Variants in FAM234B observed in about 807,000 individuals in gnomAD.
The protein encoded by FAM234B is protein FAM234B.
In FAM234B, 33 loss-of-function variants were observed where a neutral mutation model predicts 69.3. The ratio of observed to expected loss-of-function variants is 0.48; its 90% CI spans 0.36 to 0.64. The LOEUF (loss-of-function observed/expected upper bound fraction) is 0.64. Ranked by LOEUF, FAM234B falls within the 30% of genes least tolerant of loss-of-function variation. The pLI, the probability that FAM234B is intolerant of heterozygous loss-of-function variation, is 0.00. For synonymous variants in FAM234B, 306 were observed against 306.9 expected, an observed-to-expected ratio of 1.00 and a Z score of 0.03; for missense variants, 697 against 769.7, an observed-to-expected ratio of 0.91 and a Z score of 1.12.
At chr12:13,070,839 G>C (rs1865098018) in intron 9 of FAM234B, among the ~76,000 whole-genome samples, 1 of 152,126 alleles carries the variant, frequency 6.6e-6, no homozygotes, top group African/African-American at 2.4e-5. Context: ...TGTTGTGGGG[G>C]ATAAGGTGCT....
At position 13,068,688 on chromosome 12, in the gene FAM234B, C is replaced by G. The variant is rs1401738304; in HGVS notation, c.1345C>G (p.Gln449Glu). The G allele has an allele frequency of 3.1e-6, 5 of 1,611,110 alleles. No individual in the cohort carries two copies. In the Admixed American group the frequency reaches 5.0e-5, roughly 16 times the overall value. Residue 449 changes from glutamine (Q) to glutamate (E), a missense_variant, in exon 9 of 13, where the codon CAG becomes GAG. This residue lies in a region of FAM234B where 313 missense variants were observed against 305.5 expected (regional missense o/e 1.02). Coordinates refer to ENST00000197268, the MANE Select transcript of FAM234B (RefSeq NM_020853.2). ...DQTLDFLLQI[Q>E]DGVGMKKMMV... is the part of the protein sequence containing the mutation. ...GACATTAGATTTCCTTCTGCAGATA[C>G]AGGATGGAGTTGGGATGAAAAAGGT...
chr12:13,058,246 T>C (rs1864951410), intron 2 of FAM234B, among the ~76,000 whole-genome samples: 1 of 152,222 alleles, frequency 6.6e-6, no homozygotes, highest in Non-Finnish European at 1.5e-5. Context: ...TCCTTCTCTC[T>C]GCCTTTTAGA....
At chr12:13,078,193 C>T (rs139504917) in intron 11 of FAM234B, among the ~76,000 whole-genome samples, 14,343 of 151,174 alleles carry the variant, frequency 0.095, 958 homozygotes, top group Admixed American at 0.18. Flanking sequence ...GAGTAGGTTG[C>T]GAAAATTTTC....
intron 1 of FAM234B, among the ~76,000 whole-genome samples, chr12:13,048,980 C>G (rs1376686822): frequency 6.6e-6 from 1 of 152,138 alleles, no homozygotes; most frequent in Non-Finnish European, 1.5e-5. Flanking sequence ...GAAACTGCCC[C>G]CATGATTCAG....
In FAM234B at chr12:13,079,935, T is replaced by G. The variant is rs147848748; in HGVS notation, c.1789T>G (p.Ser597Ala). 4 of 1,613,358 alleles carry G rather than the reference T, an allele frequency of 2.5e-6. No homozygotes were observed. In the African/African-American group the frequency reaches 4.0e-5, roughly 16 times the overall value. ...MEGQMAQLQE[S>A]TPKIGRGELR... The stretch of plus-strand genomic sequence containing the variant: ...GGGCCAGATGGCTCAGCTACAGGAG[T>G]CCACCCCCAAAATTGGCCGTGGGGA... Residue 597 changes from serine to alanine, a missense_variant, in exon 12 of 13, where the codon TCC becomes GCC. By Grantham distance (99) the Ser-to-Ala change is moderately conservative. Coordinates refer to ENST00000197268, the MANE Select transcript of FAM234B (RefSeq NM_020853.2).
At position 13,067,002 on chromosome 12, in the gene FAM234B, A is replaced by T; in HGVS notation, c.1001-153A>T. On this transcript the variant is annotated intron_variant, in intron 6 of 12. Coordinates refer to ENST00000197268, the MANE Select transcript of FAM234B (RefSeq NM_020853.2). This position sits in a 1 kb window ranked among gnomAD's most constrained non-coding sequence, Gnocchi z 4.7. ...AAGGGAAGACTCTTGTCCAGCACCC[A>T]CTTAATCACCTCCCCACTTGTTCCG... The T allele has an allele frequency of 1.0e-6, 1 of 978,674 alleles. No individual in the cohort carries two copies. Among genetic ancestry groups the T allele is most frequent in the Non-Finnish European group, 1.5e-6 (1 of 659,328 alleles). 60.6% of individuals were successfully genotyped at this position (978,674 alleles called of 1,614,324 possible).
intron 10 of FAM234B, among the ~76,000 whole-genome samples, chr12:13,072,307 C>G (rs1319299325): frequency 6.6e-6 from 1 of 152,188 alleles, no homozygotes; most frequent in East Asian, 1.9e-4. Flanking sequence ...TACCTAAAAT[C>G]TAGATTGTAT....
intron 5 of FAM234B, among the ~76,000 whole-genome samples, chr12:13,065,033 G>A (rs577701537): frequency 3.4e-4 from 52 of 152,206 alleles, no homozygotes; most frequent in Non-Finnish European, 6.5e-4. Context: ...AGACATGTTG[G>A]CACCCCTACT....
In FAM234B at chr12:13,066,772, A is replaced by C. The variant is rs1405586970; in HGVS notation, c.985A>C (p.Ile329Leu). The C allele has an allele frequency of 3.1e-6, 5 of 1,613,070 alleles. No homozygotes were observed. Among genetic ancestry groups the C allele is most frequent in the Admixed American group, 3.3e-5 (2 of 59,810 alleles). ...VYITTNGAVYILFGFGNIQAV... is the reference protein window; with the variant it reads ...VYITTNGAVYLLFGFGNIQAV... ...CATCACCACAAATGGGGCTGTCTAC[A>C]TCCTGTTTGGCTTTGGTAAGAAGCA... Residue 329 changes from isoleucine to leucine, a missense_variant, in exon 6 of 13, where the codon ATC becomes CTC. Coordinates refer to ENST00000197268, the MANE Select transcript of FAM234B (RefSeq NM_020853.2).
intron 11 of FAM234B, among the ~76,000 whole-genome samples, chr12:13,077,102 G>A (rs1176262958): frequency 6.6e-6 from 1 of 152,138 alleles, no homozygotes; most frequent in African/African-American, 2.4e-5. Flanking sequence ...CACTGATTGG[G>A]GGGTGGGGGC....
At chr12:13,076,365 G>A (rs562185765) in intron 11 of FAM234B, among the ~76,000 whole-genome samples, 1 of 152,294 alleles carries the variant, frequency 6.6e-6, no homozygotes, top group East Asian at 1.9e-4. Flanking sequence ...GAATGTGGAG[G>A]TGAAAGCGCG....
chr12:13,073,845 A>G (rs1257944134), intron 10 of FAM234B, among the ~76,000 whole-genome samples: 1 of 152,178 alleles, frequency 6.6e-6, no homozygotes, highest in African/African-American at 2.4e-5. Context: ...TTTTCCTCAC[A>G]AATTGTTGAG....
chr12:13,077,483 C>T (rs1272707613), intron 11 of FAM234B, among the ~76,000 whole-genome samples: 2 of 140,526 alleles, frequency 1.4e-5, no homozygotes, highest in Non-Finnish European at 3.0e-5. Flanking sequence ...CATGTGTTCT[C>T]ATTGTTCTAT....
chr12:13,049,268 C>T (rs1864847796), intron 1 of FAM234B, among the ~76,000 whole-genome samples: 1 of 152,234 alleles, frequency 6.6e-6, no homozygotes, highest in Non-Finnish European at 1.5e-5. Flanking sequence ...TAACCTCCGC[C>T]TCCCAGGTTC....
chr12:13,054,556 A>G (rs1356683287), intron 1 of FAM234B, among the ~76,000 whole-genome samples: 3 of 152,120 alleles, frequency 2.0e-5, no homozygotes, highest in African/African-American at 7.2e-5. Flanking sequence ...TCCCCTTTTT[A>G]ATTAGCTGGG....
chr12:13,070,472 A>G (rs1223491957), intron 9 of FAM234B, among the ~76,000 whole-genome samples: 1 of 152,140 alleles, frequency 6.6e-6, no homozygotes, highest in Non-Finnish European at 1.5e-5. Context: ...CTCCACTTAC[A>G]GAAGTGTGGA....
At chr12:13,045,792 CCAG>C (rs1864803396) in intron 1 of FAM234B, among the ~76,000 whole-genome samples, 1 of 151,548 alleles carries the variant, frequency 6.6e-6, no homozygotes, top group South Asian at 2.1e-4. Context: ...TGATGTCCTC[CCAG>C]AGGGGTAATA....
chr12:13,083,318 T>G lies in FAM234B; in HGVS notation c.*2688T>G, dbSNP rs1865263856. ...GCCATCCCCCAAATGTGTGGTATGGTGAAACTAATCCCCTGAATGTGAATT... is the reference window on the plus strand; with the variant it reads ...GCCATCCCCCAAATGTGTGGTATGGGGAAACTAATCCCCTGAATGTGAATT... On this transcript the variant is annotated 3_prime_UTR_variant, in exon 13 of 13. Coordinates refer to ENST00000197268, the MANE Select transcript of FAM234B (RefSeq NM_020853.2). 6.6e-6 allele frequency: 1 copy of G among 152,552 alleles called. No homozygotes were observed. The highest frequency in any genetic ancestry group is 1.5e-5 in the Non-Finnish European group (1 of 68,016). 9.4% of individuals were successfully genotyped at this position (152,552 alleles called of 1,614,324 possible).
chr12:13,073,162 T>G (rs538689736), intron 10 of FAM234B, among the ~76,000 whole-genome samples: 1 of 152,086 alleles, frequency 6.6e-6, no homozygotes, highest in Admixed American at 6.5e-5. Flanking sequence ...TCTTTTTTTT[T>G]TTTTTCCTTT....
Sources: allele counts gnomAD v4.1 joint callset (sites outside exome capture counted in the v4.1 genomes callset), GRCh38; gene constraint gnomAD v4.1.1; regional missense constraint gnomAD v4.1.1; non-coding constraint Gnocchi (gnomAD v3.1); transcripts MANE v1.5; gene names NCBI Gene and HGNC (gene_info 2026-07-23, HGNC 2026-07-21).